DAPK1: variants seen among roughly 807,000 people sequenced by gnomAD.
The protein encoded by DAPK1 is death associated protein kinase 1.
A neutral mutation model predicts 144.9 loss-of-function variants in DAPK1; 56 were observed. That is an observed-to-expected ratio of 0.39 (90% confidence interval 0.31 to 0.48). The LOEUF is 0.48. DAPK1 is among the 20% of genes least tolerant of loss of function. The pLI is 0.95. For missense variants in DAPK1, 1,454 were observed against 1,875.4 expected (o/e 0.78, Z 4.15); for synonymous variants, 690 against 749.0 (o/e 0.92, Z 1.29).
chr9:87,564,384 A>G (rs147246797), intron 2 of DAPK1, among the ~76,000 whole-genome samples: 224 of 152,242 alleles, frequency 1.5e-3, no homozygotes, highest in African/African-American at 4.9e-3. Flanking sequence ...CATTTTTGTT[A>G]ACTGGGAAAT....
At chr9:87,537,830 C>G (rs1174079790) in intron 2 of DAPK1, among the ~76,000 whole-genome samples, 1 of 152,068 alleles carries the variant, frequency 6.6e-6, no homozygotes, top group Non-Finnish European at 1.5e-5. Context: ...GAAGGAGTAT[C>G]CTCATAAAAT....
intron 17 of DAPK1, among the ~76,000 whole-genome samples, chr9:87,654,018 G>T (rs998885008): frequency 3.9e-5 from 6 of 152,112 alleles, no homozygotes; most frequent in African/African-American, 7.2e-5. Context: ...TTAGCTTTCC[G>T]CATTGAGAGT....
intron 19 of DAPK1, among the ~76,000 whole-genome samples, chr9:87,676,187 C>T (rs965654772): frequency 6.6e-6 from 1 of 152,224 alleles, no homozygotes; most frequent in African/African-American, 2.4e-5. Flanking sequence ...CCAGGGAGGG[C>T]CCGACCAGCC....
At chr9:87,509,047 GC>G (rs1470664257) in intron 2 of DAPK1, among the ~76,000 whole-genome samples, 6 of 152,214 alleles carry the variant, frequency 3.9e-5, no homozygotes, top group African/African-American at 1.2e-4. Flanking sequence ...TGGGTAAGCA[GC>G]AGAAATGTGT....
intron 3 of DAPK1, chr9:87,632,088 G>T (rs1829709963): frequency 1.5e-6 from 1 of 649,304 alleles, no homozygotes; most frequent in Non-Finnish European, 1.9e-6. Context: ...TAGTATATAT[G>T]TAGAAATATA....
At chr9:87,519,738 C>G (rs995006030) in intron 2 of DAPK1, among the ~76,000 whole-genome samples, 1 of 152,150 alleles carries the variant, frequency 6.6e-6, no homozygotes, top group African/African-American at 2.4e-5. Context: ...AGGATCTGGT[C>G]TTTTTCCATG....
intron 2 of DAPK1, among the ~76,000 whole-genome samples, chr9:87,571,527 A>ACACACACACACACACAC (rs1554684291): frequency 7.1e-6 from 1 of 141,298 alleles, no homozygotes; most frequent in African/African-American, 2.8e-5. Flanking sequence ...ACACACACAC[A>ACACACACACACACACAC]CCAGAAGCGA....
chr9:87,643,366 T>TAAA lies in DAPK1; in HGVS notation c.919-4_919-2dup. 1 of 1,349,442 alleles carries TAAA rather than the reference T, an allele frequency of 7.4e-7. No individual in the cohort carries two copies. The highest frequency in any genetic ancestry group is 1.8e-5 in the African/African-American group (1 of 54,756). The allele number at this position is 1,349,442 out of a possible 1,614,324, so 83.6% of individuals were successfully genotyped here. A position where few individuals can be genotyped will look rare whatever the true frequency, so the allele number is the denominator to read the frequency against. ...CCCTCCCTTTTTTTTTTTTTTTTTT[T>TAAA]AAAAAAAAGCAATCCGTTCGCTTGA... On this transcript the variant is annotated splice_polypyrimidine_tract_variant and intron_variant, in intron 10 of 25. Coordinates refer to ENST00000408954, the MANE Select transcript of DAPK1 (RefSeq NM_004938.4).
At chr9:87,515,955 C>G (rs914850634) in intron 2 of DAPK1, among the ~76,000 whole-genome samples, 1 of 152,130 alleles carries the variant, frequency 6.6e-6, no homozygotes, top group African/African-American at 2.4e-5. Flanking sequence ...GGTGCCCTTG[C>G]CCCCCTTTCC....
intron 20 of DAPK1, among the ~76,000 whole-genome samples, chr9:87,684,669 G>A (rs994833029): frequency 1.3e-5 from 2 of 152,156 alleles, no homozygotes; most frequent in Admixed American, 6.5e-5. Context: ...TGAATGTCCA[G>A]GAAGAGTATT....
intron 3 of DAPK1, among the ~76,000 whole-genome samples, chr9:87,621,572 T>A (rs1478401719): frequency 2.0e-5 from 3 of 152,188 alleles, no homozygotes; most frequent in Non-Finnish European, 4.4e-5. Context: ...TTCTGAGTAT[T>A]TTCCAGACTC....
chr9:87,699,768 C>G (rs1825393097), intron 23 of DAPK1, among the ~76,000 whole-genome samples: 1 of 152,196 alleles, frequency 6.6e-6, no homozygotes, highest in South Asian at 2.1e-4. Context: ...CTTAGTCCCT[C>G]CACTTTCCAC....
chr9:87,521,405 A>G (rs1339366086), intron 2 of DAPK1, among the ~76,000 whole-genome samples: 1 of 152,254 alleles, frequency 6.6e-6, no homozygotes, highest in Non-Finnish European at 1.5e-5. Flanking sequence ...TTAGAGATTC[A>G]GTGAATATTG....
chr9:87,606,074 A>G (rs1378581875), intron 3 of DAPK1, among the ~76,000 whole-genome samples: 2 of 152,232 alleles, frequency 1.3e-5, no homozygotes, highest in African/African-American at 4.8e-5. Flanking sequence ...AGCCTCTTGA[A>G]TTCAGATTTG....
chr9:87,696,322 G>A (rs1338402260), intron 21 of DAPK1, among the ~76,000 whole-genome samples: 1 of 152,184 alleles, frequency 6.6e-6, no homozygotes, highest in Non-Finnish European at 1.5e-5. Context: ...TAGGGAAAGA[G>A]TTAAGCAGGT....
At chr9:87,500,270 CAT>C (rs1824342692) in intron 2 of DAPK1, among the ~76,000 whole-genome samples, 1 of 152,070 alleles carries the variant, frequency 6.6e-6, no homozygotes, top group African/African-American at 2.4e-5. Flanking sequence ...CGACTGAAAA[CAT>C]AGATGGGGGC....
Position 87,661,537 on chromosome 9 carries a change from A to G in DAPK1, c.1923+3410A>G, listed in dbSNP as rs374578286. ...CCATTCTGATTGGTGTTAAGGTGAT[A>G]CTCATTGTGGTTTTAACTTGCATGT... On this transcript the variant is annotated intron_variant, in intron 18 of 25. Transcript: ENST00000408954. Among the ~76,000 whole-genome samples, 4 of 152,168 alleles carry G rather than the reference A, an allele frequency of 2.6e-5. No individual in the cohort carries two copies. The South Asian group carries it at 8.3e-4, about 32-fold the overall frequency.
Position 87,674,387 on chromosome 9 carries a change from T to C in DAPK1, c.2001+5713T>C, listed in dbSNP as rs1251867908. On this transcript the variant is annotated intron_variant, in intron 19 of 25. Coordinates refer to ENST00000408954, the MANE Select transcript of DAPK1 (RefSeq NM_004938.4). The stretch of plus-strand genomic sequence containing the variant: ...TAAATTAGCCAGAGATGGTGGTGTG[T>C]GCCTGTAGTCCCAGCTACTCGGGAG... Among the ~76,000 whole-genome samples the C allele has an allele frequency of 2.0e-5, 3 of 151,814 alleles. 1 individual carries two copies. The highest frequency in any genetic ancestry group is 2.0e-4 in the Admixed American group (3 of 15,242).
chr9:87,628,013 C>A (rs982392437), intron 3 of DAPK1, among the ~76,000 whole-genome samples: 2 of 152,188 alleles, frequency 1.3e-5, no homozygotes, highest in African/African-American at 4.8e-5. Context: ...GGACACAGAG[C>A]CCGATGCAAA....
Sources: allele counts gnomAD v4.1 joint callset (sites outside exome capture counted in the v4.1 genomes callset), GRCh38; gene constraint gnomAD v4.1.1; transcripts MANE v1.5; gene names NCBI Gene and HGNC (gene_info 2026-07-23, HGNC 2026-07-21).